The following EFCAB8 variants were observed in gnomAD, a reference collection of about 807,000 sequenced individuals.
The protein encoded by EFCAB8 is EF-hand calcium-binding domain-containing protein 8.
EFCAB8 carries 100 observed loss-of-function variants against 116.3 expected under a neutral mutation model. That is an observed-to-expected ratio of 0.86 (90% CI 0.73 to 1.02). The LOEUF (loss-of-function observed/expected upper bound fraction) is 1.02, where lower values mean the gene tolerates loss of function less well. EFCAB8 is among the 50% of genes least tolerant of loss of function. The pLI is 0.00. For missense variants in EFCAB8, 1,320 were observed against 1,416.9 expected, an observed-to-expected ratio of 0.93 and a Z score of 1.10; for synonymous variants, 558 against 567.9, an observed-to-expected ratio of 0.98 and a Z score of 0.25.
At chr20:32,928,826 T>A (rs1600438492) in intron 20 of EFCAB8, among the ~76,000 whole-genome samples, 1 of 152,096 alleles carries the variant, frequency 6.6e-6, no homozygotes, top group African/African-American at 2.4e-5. Context: ...TACTATTGAG[T>A]GTGATATTCA....
At chr20:32,927,519 A>G (rs1359745466) in intron 20 of EFCAB8, among the ~76,000 whole-genome samples, 2 of 151,906 alleles carry the variant, frequency 1.3e-5, no homozygotes, top group African/African-American at 4.8e-5. Flanking sequence ...TGATTTTTGT[A>G]TTTTTAGTGG....
At chr20:32,932,637 A>G (rs540357932) in intron 22 of EFCAB8, among the ~76,000 whole-genome samples, 1 of 152,098 alleles carries the variant, frequency 6.6e-6, no homozygotes, top group South Asian at 2.1e-4. Context: ...TTATACTGGT[A>G]CTCATCTTGC....
intron 22 of EFCAB8, among the ~76,000 whole-genome samples, chr20:32,940,003 G>GCCTGCCTCCCTCCCTCCCTC (rs1988341781): frequency 1.7e-5 from 1 of 58,000 alleles, no homozygotes; most frequent in Non-Finnish European, 3.3e-5. Flanking sequence ...CTGCCTGCCT[G>GCCTGCCTCCCTCCCTCCCTC]CCTCCCTCCC....
At position 32,917,311 on chromosome 20, in the gene EFCAB8, A is replaced by G. The variant is rs922978810; in HGVS notation, c.1867A>G (p.Thr623Ala). 1.3e-6 allele frequency: 2 copies of G among 1,551,446 alleles called. No homozygotes were observed. Among genetic ancestry groups the G allele is most frequent in the Non-Finnish European group, 1.7e-6 (2 of 1,146,876 alleles). Residue 623 changes from threonine (T) to alanine (A), a missense_variant, in exon 18 of 27, where the codon ACC (threonine) becomes GCC (alanine). By Grantham distance (58) the Thr-to-Ala change is moderately conservative (BLOSUM62 0). Transcript: ENST00000400522. ...KRITHFLFHK[T>A]KPVLLCYHWQ... ...TGGCCATATGCACAGGTTCCACAAG[A>G]CCAAGCCAGTGCTCTTGTGCTACCA...
At chr20:32,870,377 T>G (rs1984626822) in intron 3 of EFCAB8, among the ~76,000 whole-genome samples, 1 of 152,200 alleles carries the variant, frequency 6.6e-6, no homozygotes, top group South Asian at 2.1e-4. Context: ...CGGTTCAAAA[T>G]CCAAAAGGTA....
At chr20:32,949,173 A>G (rs1988722909) in intron 23 of EFCAB8, among the ~76,000 whole-genome samples, 1 of 152,242 alleles carries the variant, frequency 6.6e-6, no homozygotes, top group South Asian at 2.1e-4. Flanking sequence ...TCTATATACT[A>G]GCAATGAACA....
In EFCAB8 at chr20:32,918,528, T is replaced by G; in HGVS notation, c.2228T>G (p.Met743Arg). The change falls in exon 19 of 27, where the codon ATG (methionine) becomes AGG (arginine). Residue 743 changes from methionine (M) to arginine (R), a missense_variant. By Grantham distance (91) the Met-to-Arg change is moderately conservative. Coordinates refer to ENST00000400522, the MANE Select transcript of EFCAB8 (RefSeq NM_001143967.2). ...AGCCTGGTGTCGGCTCCCCCAGTGATGCGGTGCCCGAGAGACAAGGAGCCA... is the reference window on the plus strand; with the variant it reads ...AGCCTGGTGTCGGCTCCCCCAGTGAGGCGGTGCCCGAGAGACAAGGAGCCA... The part of the protein sequence containing the change: ...RRSLVSAPPV[M>R]RCPRDKEPDR... 1 of 1,551,698 alleles carries G rather than the reference T, an allele frequency of 6.4e-7. No homozygotes were observed. Among genetic ancestry groups the G allele is most frequent in the Non-Finnish European group, 8.7e-7 (1 of 1,147,000 alleles).
At chr20:32,948,108 A>G (rs747415729) in intron 23 of EFCAB8, among the ~76,000 whole-genome samples, 5 of 152,148 alleles carry the variant, frequency 3.3e-5, no homozygotes, top group Non-Finnish European at 5.9e-5. Context: ...CAGGAAAAAG[A>G]GAGAGAATAC....
At chr20:32,936,719 T>C (rs1988131821) in intron 22 of EFCAB8, among the ~76,000 whole-genome samples, 1 of 152,208 alleles carries the variant, frequency 6.6e-6, no homozygotes, top group Admixed American at 6.5e-5. Context: ...ATTAGCTTTA[T>C]AATATATTTT....
chr20:32,933,810 C>G (rs1442171094), intron 22 of EFCAB8, among the ~76,000 whole-genome samples: 1 of 152,132 alleles, frequency 6.6e-6, no homozygotes, highest in Admixed American at 6.5e-5. Context: ...GAAACCTTGT[C>G]CCTACTAAAA....
intron 9 of EFCAB8, 58 bp downstream of exon 9, chr20:32,893,356 T>C (rs1460149975): frequency 4.8e-5 from 75 of 1,547,312 alleles, no homozygotes; most frequent in Admixed American, 5.9e-5. Context: ...ATGTGGGTGC[T>C]GAGGTCATCC....
chr20:32,883,793 C>T (rs1985465775), intron 5 of EFCAB8, among the ~76,000 whole-genome samples: 1 of 151,996 alleles, frequency 6.6e-6, no homozygotes, highest in Non-Finnish European at 1.5e-5. Flanking sequence ...CGGGTTCAAG[C>T]GATTCTCCTG....
chr20:32,904,221 GGCCTCAAGGGATCCTCCT>G (rs910976754), intron 11 of EFCAB8, among the ~76,000 whole-genome samples: 2 of 150,790 alleles, frequency 1.3e-5, no homozygotes, highest in Admixed American at 1.3e-4. Flanking sequence ...TTGAACTCCT[GGCCTCAAGGGATCCTCCT>G]GCCTCGACCT....
At chr20:32,896,411 G>C (rs542485863) in intron 9 of EFCAB8, 43 bp from the exon 10 acceptor site, 101 of 714,308 alleles carry the variant, frequency 1.4e-4, no homozygotes, top group Non-Finnish European at 2.3e-4. Context: ...CCAAGCGAAG[G>C]GGGAAAGCTG....
chr20:32,889,250 C>A, intron 6 of EFCAB8, 51 bp from the exon 7 acceptor site: 5 of 1,500,702 alleles, frequency 3.3e-6, no homozygotes, highest in Non-Finnish European at 4.5e-6. Flanking sequence ...GGGAGCTGCA[C>A]TGGCCTGAGT....
intron 3 of EFCAB8, among the ~76,000 whole-genome samples, chr20:32,872,889 C>T (rs1172850333): frequency 1.3e-5 from 2 of 151,542 alleles, no homozygotes; most frequent in East Asian, 1.9e-4. Context: ...GTCAGGAGTT[C>T]GAGACCAGCC....
chr20:32,898,062 C>T (rs561897481), intron 10 of EFCAB8, among the ~76,000 whole-genome samples: 144 of 152,298 alleles, frequency 9.5e-4, no homozygotes, highest in Non-Finnish European at 1.7e-3. Context: ...ATGCCCTCCG[C>T]GCTTCCTTGA....
intron 22 of EFCAB8, among the ~76,000 whole-genome samples, chr20:32,932,855 G>T (rs1187785204): frequency 6.6e-6 from 1 of 152,186 alleles, no homozygotes; most frequent in African/African-American, 2.4e-5. Context: ...TAGCCTTCTT[G>T]CAGTCTTATG....
At chr20:32,867,808 C>A in intron 3 of EFCAB8, 61 bp downstream of exon 3, 1 of 1,507,000 alleles carries the variant, frequency 6.6e-7, no homozygotes, top group Non-Finnish European at 8.9e-7. Flanking sequence ...GGACCGAGTA[C>A]CTGGGGTGTG....
Sources: allele counts gnomAD v4.1 joint callset (sites outside exome capture counted in the v4.1 genomes callset), GRCh38; gene constraint gnomAD v4.1.1; transcripts MANE v1.5; gene names NCBI Gene and HGNC (gene_info 2026-07-23, HGNC 2026-07-21).